The following CAMTA1 variants were observed in gnomAD, a reference collection of about 807,000 sequenced individuals.
CAMTA1 encodes calmodulin binding transcription activator 1.
A neutral mutation model predicts 170.9 loss-of-function variants in CAMTA1; 27 were observed. The ratio of observed to expected loss-of-function variants is 0.16; its 90% CI spans 0.12 to 0.22. The LOEUF is 0.22. CAMTA1 is among the 10% of genes least tolerant of loss of function. The pLI is 1.00. For missense variants in CAMTA1, 1,619 were observed against 2,217.2 expected (o/e 0.73, Z 5.42); for synonymous variants, 833 against 891.5 (o/e 0.93, Z 1.17).
intron 6 of CAMTA1, among the ~76,000 whole-genome samples, chr1:7,548,669 G>A: frequency 7.0e-6 from 1 of 142,856 alleles, no homozygotes; most frequent in South Asian, 2.4e-4. Flanking sequence ...CTTAGGGGTG[G>A]AGATGCCCAT....
At chr1:7,162,774 TCCTG>T (rs1350690723) in intron 4 of CAMTA1, among the ~76,000 whole-genome samples, 1 of 152,164 alleles carries the variant, frequency 6.6e-6, no homozygotes, top group African/African-American at 2.4e-5. Context: ...CTGAGAATCT[TCCTG>T]TATGAGCTTC....
intron 6 of CAMTA1, among the ~76,000 whole-genome samples, chr1:7,602,672 C>T (rs1399810006): frequency 6.6e-6 from 1 of 152,156 alleles, no homozygotes; most frequent in African/African-American, 2.4e-5. Flanking sequence ...CTGCTCTGAT[C>T]TTAATTATTT....
intron 5 of CAMTA1, among the ~76,000 whole-genome samples, chr1:7,380,905 G>A (rs1178310062): frequency 1.3e-5 from 2 of 152,202 alleles, no homozygotes; most frequent in East Asian, 3.9e-4. Flanking sequence ...GACAATGAGA[G>A]CAGTGGCTAG....
chr1:7,586,290 G>C (rs1019480365), intron 6 of CAMTA1, among the ~76,000 whole-genome samples: 3 of 152,144 alleles, frequency 2.0e-5, no homozygotes, highest in Admixed American at 6.5e-5. Flanking sequence ...CTCTGAAGAC[G>C]AAAGTCCAGA....
chr1:7,624,736 A>T (rs1259603951), intron 6 of CAMTA1, among the ~76,000 whole-genome samples: 1 of 152,126 alleles, frequency 6.6e-6, no homozygotes, highest in Non-Finnish European at 1.5e-5. Context: ...TCTGATGCAC[A>T]CTCTGCTCTC....
intron 6 of CAMTA1, among the ~76,000 whole-genome samples, chr1:7,594,200 G>GGGAAGGAAGGAAGGAAGGAAGGAAGGAA (rs56904420): frequency 3.6e-4 from 41 of 113,706 alleles, no homozygotes; most frequent in African/African-American, 1.3e-3. Context: ...AAGGAGGGAG[G>GGGAAGGAAGGAAGGAAGGAAGGAAGGAA]GGAAGGAAGG....
In CAMTA1 at chr1:7,642,539, G is replaced by T. The variant is rs1401738156; in HGVS notation, c.664+1986G>T. 6.6e-6 allele frequency among the ~76,000 whole-genome samples: 1 copy of T among 152,190 alleles called. No individual in the cohort carries two copies. The highest frequency in any genetic ancestry group is 1.5e-5 in the Non-Finnish European group (1 of 68,010). ...AGGGGGCACCTCACTATGCAGGGCT[G>T]GCACCGGACACTGGGTCCTGCCTAG... On this transcript the variant is annotated intron_variant, in intron 7 of 22. Transcript: ENST00000303635. The surrounding 1 kb of genome is among the most constrained non-coding windows in gnomAD (Gnocchi z 6.3).
At chr1:6,886,560 G>T (rs1232839392) in intron 3 of CAMTA1, among the ~76,000 whole-genome samples, 2 of 152,222 alleles carry the variant, frequency 1.3e-5, no homozygotes, top group Non-Finnish European at 2.9e-5. Flanking sequence ...CTGCGCATTG[G>T]GCACAGGCCT....
chr1:6,825,942 A>C (rs1647051335), intron 3 of CAMTA1, among the ~76,000 whole-genome samples: 1 of 152,142 alleles, frequency 6.6e-6, no homozygotes, highest in South Asian at 2.1e-4. Flanking sequence ...TACGTCCATC[A>C]ATTTGGGAGT....
intron 3 of CAMTA1, among the ~76,000 whole-genome samples, chr1:6,859,182 T>C (rs898973949): frequency 2.0e-5 from 3 of 152,148 alleles, no homozygotes; most frequent in Non-Finnish European, 4.4e-5. Context: ...ACTTTACAAA[T>C]GCTTGTGTAA....
intron 4 of CAMTA1, among the ~76,000 whole-genome samples, chr1:7,230,442 CCCG>C (rs571815789): frequency 0.016 from 1,314 of 81,586 alleles, 171 homozygotes; most frequent in African/African-American, 0.031. Context: ...ACCCCCCCCC[CCCG>C]CCCCGCAAAG....
Position 7,665,051 on chromosome 1 carries a change from G to C in CAMTA1, c.2504G>C (p.Ser835Thr). The change falls in exon 9 of 23, where the codon AGC (serine) becomes ACC (threonine). Residue 835 changes from serine to threonine, a missense_variant. This residue lies in a region of CAMTA1 where 731 missense variants were observed against 907.6 expected (regional missense o/e 0.81). Coordinates refer to ENST00000303635, the MANE Select transcript of CAMTA1 (RefSeq NM_015215.4). This position sits in a 1 kb window ranked among gnomAD's most constrained non-coding sequence, Gnocchi z 4.3. ...CAGCAGGGTAGCCTGCAGCTGAGCA[G>C]CTCGGAGGGCGGGGCCAGCACCATG... ...SPQQGSLQLS[S>T]SEGGASTMAY... is the part of the protein sequence containing the mutation. 1 of 1,576,488 alleles carries C rather than the reference G, an allele frequency of 6.3e-7. No homozygotes were observed. Among genetic ancestry groups the C allele is most frequent in the East Asian group, 2.2e-5 (1 of 44,496 alleles).
At chr1:7,385,505 G>A (rs1435551908) in intron 5 of CAMTA1, among the ~76,000 whole-genome samples, 1 of 152,180 alleles carries the variant, frequency 6.6e-6, no homozygotes, top group African/African-American at 2.4e-5. Context: ...CAAGTACTGG[G>A]CTCGCGGGCC....
intron 3 of CAMTA1, among the ~76,000 whole-genome samples, chr1:7,026,017 G>C (rs962388163): frequency 6.6e-6 from 1 of 152,104 alleles, no homozygotes; most frequent in African/African-American, 2.4e-5. Context: ...GTACTTGGGA[G>C]GCTGAGGCAG....
At chr1:7,437,873 G>T (rs530456775) in intron 5 of CAMTA1, among the ~76,000 whole-genome samples, 1 of 152,238 alleles carries the variant, frequency 6.6e-6, no homozygotes, top group Non-Finnish European at 1.5e-5. Context: ...GAAGCAGGCC[G>T]CACGACAGCC....
At chr1:7,469,253 G>A (rs1044295657) in intron 6 of CAMTA1, among the ~76,000 whole-genome samples, 5 of 152,154 alleles carry the variant, frequency 3.3e-5, no homozygotes, top group African/African-American at 1.2e-4. Flanking sequence ...TCAGACCTGT[G>A]TGCTTGAGGA....
At chr1:7,210,412 G>A (rs74356528) in intron 4 of CAMTA1, among the ~76,000 whole-genome samples, 429 of 152,290 alleles carry the variant, frequency 2.8e-3, no homozygotes, top group African/African-American at 0.01. Context: ...ACATTGGGTT[G>A]TTCTTAGTGC....
At chr1:7,725,420 T>A (rs906565451) in intron 11 of CAMTA1, among the ~76,000 whole-genome samples, 3 of 152,304 alleles carry the variant, frequency 2.0e-5, no homozygotes, top group Middle Eastern at 6.8e-3. Context: ...TTTAAATCGT[T>A]TTCGAGTATC....
chr1:6,914,159 C>T (rs1419850274), intron 3 of CAMTA1, among the ~76,000 whole-genome samples: 1 of 142,034 alleles, frequency 7.0e-6, no homozygotes, highest in African/African-American at 2.6e-5. Context: ...GGCTGGAGTG[C>T]AACGGCGTGA....
Sources: gnomAD v4.1 joint callset for allele counts (sites outside exome capture counted in the v4.1 genomes callset) on GRCh38, gnomAD v4.1.1 for gene constraint, gnomAD v4.1.1 regional missense constraint, Gnocchi (gnomAD v3.1) non-coding constraint, MANE v1.5 for transcripts, NCBI Gene and HGNC (gene_info 2026-07-23, HGNC 2026-07-21) for gene names.